FAM3B: variants seen among roughly 807,000 people sequenced by gnomAD.
The protein encoded by FAM3B is protein FAM3B.
A neutral mutation model predicts 28.4 loss-of-function variants in FAM3B; 29 were observed. That is an observed-to-expected ratio of 1.02 (90% CI 0.76 to 1.39). The LOEUF is 1.39. Ranked by LOEUF, FAM3B falls within the 40% of genes most tolerant of loss-of-function variation. The pLI is 0.00. For synonymous variants in FAM3B, 91 were observed against 103.0 expected (o/e 0.88, Z 0.71); for missense variants, 266 against 293.9 (o/e 0.91, Z 0.69).
At chr21:41,348,757 T>C (rs778510671) in intron 7 of FAM3B, 33 bp downstream of exon 7, 3 of 1,613,816 alleles carry the variant, frequency 1.9e-6, no homozygotes, top group South Asian at 1.1e-5. Context: ...TTCCCACCAA[T>C]GGTGAGTATA....
At chr21:41,339,241 A>G (rs1227149945) in intron 3 of FAM3B, among the ~76,000 whole-genome samples, 1 of 152,202 alleles carries the variant, frequency 6.6e-6, no homozygotes, top group Non-Finnish European at 1.5e-5. Context: ...TAATAAGTAC[A>G]GCACTACTTA....
chr21:41,321,794 A>G (rs1208685077), intron 1 of FAM3B, among the ~76,000 whole-genome samples: 1 of 152,106 alleles, frequency 6.6e-6, no homozygotes, highest in Non-Finnish European at 1.5e-5. Flanking sequence ...CGCTCCTGAG[A>G]AAGGAAGGAT....
rs2089067704 is a variant in FAM3B at position 41,347,083 on chromosome 21, T to C, written c.468T>C (p.Tyr156=). 1 of 1,614,030 alleles carries C rather than the reference T, an allele frequency of 6.2e-7. No individual in the cohort carries two copies. The highest frequency in any genetic ancestry group is 8.5e-7 in the Non-Finnish European group (1 of 1,180,026). The part of the protein sequence containing the change: ...APKSLLFMVT[Y]DDGSTRLNND... ...AATCCCTGCTCTTCATGGTGACCTATGACGACGGAAGCACAAGGTGAGTGG... is the reference window on the plus strand; with the variant it reads ...AATCCCTGCTCTTCATGGTGACCTACGACGACGGAAGCACAAGGTGAGTGG... Residue 156 remains tyrosine, a synonymous_variant, in exon 6 of 8, where the codon TAT becomes TAC. Coordinates refer to ENST00000357985, the MANE Select transcript of FAM3B (RefSeq NM_058186.4).
chr21:41,350,261 T>C (rs554861817), intron 7 of FAM3B, among the ~76,000 whole-genome samples: 1 of 152,248 alleles, frequency 6.6e-6, no homozygotes, highest in South Asian at 2.1e-4. Flanking sequence ...AGGCTGACCC[T>C]GGGGAGCGAA....
chr21:41,316,984 C>G, intron 1 of FAM3B, 86 bp downstream of exon 1: 1 of 1,161,046 alleles, frequency 8.6e-7, no homozygotes, highest in African/African-American at 1.6e-5. Context: ...CTGCCTGGGA[C>G]CCGCCACGCT....
intron 4 of FAM3B, among the ~76,000 whole-genome samples, 154 bp downstream of exon 4, chr21:41,344,688 CTCACT>C (rs376303995): frequency 0.01 from 1,545 of 152,252 alleles, 12 homozygotes; most frequent in Middle Eastern, 0.017. Flanking sequence ...TTTTACAAGT[CTCACT>C]TCACAGATTA....
chr21:41,344,391 C>T, intron 3 of FAM3B, 85 bp from the exon 4 acceptor site: 1 of 1,277,696 alleles, frequency 7.8e-7, no homozygotes, highest in East Asian at 2.4e-5. Flanking sequence ...GCAGATGAGA[C>T]TGACATTTGG....
intron 2 of FAM3B, among the ~76,000 whole-genome samples, chr21:41,327,588 ATGT>A (rs2088865339): frequency 6.6e-6 from 1 of 152,164 alleles, no homozygotes; most frequent in Admixed American, 6.5e-5. Context: ...GTTCGGGAAC[ATGT>A]TGTTAAATGT....
chr21:41,334,641 A>G (rs1185200292), intron 2 of FAM3B, among the ~76,000 whole-genome samples: 1 of 152,268 alleles, frequency 6.6e-6, no homozygotes, highest in East Asian at 1.9e-4. Flanking sequence ...GCTCAAGCAG[A>G]AGCTGCTGCT....
chr21:41,311,549 A>G (rs1237704287), intron 1 of FAM3B, among the ~76,000 whole-genome samples: 1 of 152,048 alleles, frequency 6.6e-6, no homozygotes. Flanking sequence ...TAACATAAAC[A>G]TAAATAGTTT....
intron 3 of FAM3B, 36 bp downstream of exon 3, chr21:41,338,537 C>T: frequency 6.2e-7 from 1 of 1,611,242 alleles, no homozygotes; most frequent in Non-Finnish European, 8.5e-7. Context: ...ATAAAGCGAT[C>T]CTACTGATTC....
In FAM3B at chr21:41,322,917, CT is replaced by C; in HGVS notation, c.20-5del. 2 of 1,614,124 alleles carry C rather than the reference CT, an allele frequency of 1.2e-6. No homozygotes were observed. The highest frequency in any genetic ancestry group is 1.7e-6 in the Non-Finnish European group (2 of 1,180,052). On this transcript the variant is annotated splice_polypyrimidine_tract_variant and splice_region_variant and intron_variant, in intron 1 of 7. Transcript: ENST00000357985. ...TCACAGCAGCTGCTTGGTGTCCTCT[CT>C]GCAGGCCTGCTCAAGGTGGTGTTCG...
intron 4 of FAM3B, 128 bp downstream of exon 4, chr21:41,344,662 T>C (rs2089040134): frequency 3.0e-6 from 2 of 661,550 alleles, no homozygotes; most frequent in South Asian, 3.8e-5. Context: ...CATTTTAAGA[T>C]TATATACTCA....
intron 5 of FAM3B, among the ~76,000 whole-genome samples, 162 bp from the exon 6 acceptor site, chr21:41,346,851 C>T (rs1175483165): frequency 2.0e-5 from 3 of 152,164 alleles, no homozygotes; most frequent in Non-Finnish European, 4.4e-5. Flanking sequence ...AATGTTCACA[C>T]GTCCAGAGCT....
intron 1 of FAM3B, among the ~76,000 whole-genome samples, chr21:41,321,870 G>C (rs1015864377): frequency 9.2e-5 from 14 of 152,156 alleles, no homozygotes; most frequent in Admixed American, 6.6e-4. Context: ...CCATTGTCAG[G>C]CCCTTCAGAC....
Position 41,352,820 on chromosome 21 carries a change from T to TAAATAAATAAATAAATAAATAAATAAAC in FAM3B, c.618+4103_618+4104insTAAATAAATAAATAAATAAACAAATAAA, listed in dbSNP as rs61423023. Among the ~76,000 whole-genome samples, 25 of 149,998 alleles carry TAAATAAATAAATAAATAAATAAATAAAC rather than the reference T, an allele frequency of 1.7e-4. 1 individual carries two copies. Among genetic ancestry groups the TAAATAAATAAATAAATAAATAAATAAAC allele is most frequent in the African/African-American group, 5.7e-4 (23 of 40,278 alleles). On this transcript the variant is annotated intron_variant, in intron 7 of 7. Coordinates refer to ENST00000357985, the MANE Select transcript of FAM3B (RefSeq NM_058186.4). ...AAAAATAAATAAATAAATAAATAAATAAATAAAGGAAGAAGTAAAACTATT... is the reference window on the plus strand; with the variant it reads ...AAAAATAAATAAATAAATAAATAAATAAATAAATAAATAAATAAATAAATAAACAAATAAAGGAAGAAGTAAAACTATT...
intron 2 of FAM3B, among the ~76,000 whole-genome samples, chr21:41,323,860 T>C (rs2088832334): frequency 6.6e-6 from 1 of 152,190 alleles, no homozygotes; most frequent in African/African-American, 2.4e-5. Context: ...CATCATGACT[T>C]AGTCTACCCA....
At chr21:41,351,783 T>G (rs1420019631) in intron 7 of FAM3B, among the ~76,000 whole-genome samples, 2 of 152,220 alleles carry the variant, frequency 1.3e-5, no homozygotes, top group Non-Finnish European at 2.9e-5. Flanking sequence ...ACCTGCTGAA[T>G]TGAATTTTAA....
chr21:41,337,605 T>A (rs1240729596), intron 2 of FAM3B, among the ~76,000 whole-genome samples: 2 of 152,012 alleles, frequency 1.3e-5, no homozygotes, highest in African/African-American at 4.8e-5. Flanking sequence ...CAGGTGTATG[T>A]GGTATAGAGT....
Sources: gnomAD v4.1 joint callset for allele counts (sites outside exome capture counted in the v4.1 genomes callset) on GRCh38, gnomAD v4.1.1 for gene constraint, MANE v1.5 for transcripts, NCBI Gene and HGNC (gene_info 2026-07-23, HGNC 2026-07-21) for gene names.